The following SEMA3D variants were observed in gnomAD, a reference collection of about 807,000 sequenced individuals.
SEMA3D encodes the protein semaphorin-3D.
Under a neutral mutation model 100.1 loss-of-function variants are expected in SEMA3D, and 84 were observed. The observed-to-expected ratio is 0.84, with a 90% CI of 0.70 to 1.01. The LOEUF (loss-of-function observed/expected upper bound fraction) is 1.01. Ranked by LOEUF, SEMA3D falls within the 50% of genes least tolerant of loss-of-function variation. The pLI is 0.00. For missense variants in SEMA3D, 875 were observed against 934.1 expected (o/e 0.94, Z 0.82); for synonymous variants, 312 against 320.7 (o/e 0.97, Z 0.29).
chr7:85,098,958 C>T (rs565369237), intron 3 of SEMA3D, among the ~76,000 whole-genome samples: 40 of 151,986 alleles, frequency 2.6e-4, no homozygotes, highest in Non-Finnish European at 5.2e-4. Flanking sequence ...GCTTCTTTCA[C>T]TTAGTAATAT....
At chr7:85,037,069 T>C (rs752595013) in intron 11 of SEMA3D, 36 bp from the exon 12 acceptor site, 148 of 1,596,356 alleles carry the variant, frequency 9.3e-5, no homozygotes, top group Non-Finnish European at 1.2e-4. Context: ...AATCATTCAC[T>C]GATGAATTCA....
the SEMA3D span, among the ~76,000 whole-genome samples, chr7:85,192,427 T>G: frequency 6.6e-6 from 1 of 152,002 alleles, no homozygotes; most frequent in Non-Finnish European, 1.5e-5. Flanking sequence ...AAATAAAATA[T>G]TTACCATCTG....
At chr7:85,189,767 A>G (rs1290241138), upstream of SEMA3D, among the ~76,000 whole-genome samples, 2 of 152,230 alleles carry the variant, frequency 1.3e-5, no homozygotes, top group Non-Finnish European at 2.9e-5. Flanking sequence ...TCTGAGACAT[A>G]CTACTCCTCA....
At chr7:85,140,665 CATT>C in intron 2 of SEMA3D, 2 of 977,640 alleles carry the variant, frequency 2.0e-6, no homozygotes, top group Non-Finnish European at 2.4e-6. Flanking sequence ...GACACGAACA[CATT>C]ATTAAGTGCT....
chr7:85,088,496 A>C (rs78349472), intron 4 of SEMA3D, among the ~76,000 whole-genome samples: 3,940 of 152,278 alleles, frequency 0.026, 167 homozygotes, highest in East Asian at 0.16. Context: ...TCTTTCAAAA[A>C]ACAGGATACA....
intron 13 of SEMA3D, among the ~76,000 whole-genome samples, chr7:85,020,973 T>C (rs1398012860): frequency 6.6e-6 from 1 of 151,534 alleles, no homozygotes; most frequent in Non-Finnish European, 1.5e-5. Flanking sequence ...AAATACATCA[T>C]CTTACATTGA....
chr7:85,006,710 G>C (rs1789805423), intron 18 of SEMA3D, 92 bp downstream of exon 18: 4 of 970,756 alleles, frequency 4.1e-6, no homozygotes, highest in African/African-American at 1.7e-5. Flanking sequence ...ATCAAATAAT[G>C]ATGAGAGTAG....
intron 2 of SEMA3D, among the ~76,000 whole-genome samples, chr7:85,130,599 C>T (rs770014192): frequency 6.6e-6 from 1 of 152,114 alleles, no homozygotes; most frequent in Non-Finnish European, 1.5e-5. Context: ...CCAGCTTCTA[C>T]CAGAAATTCA....
the SEMA3D span, among the ~76,000 whole-genome samples, chr7:85,228,146 T>C: frequency 4.6e-5 from 7 of 152,162 alleles, no homozygotes; most frequent in African/African-American, 1.7e-4. Flanking sequence ...GTGACTTGTG[T>C]ATCTTTTACT....
In SEMA3D at chr7:85,116,786, G is replaced by C. The variant is rs368841650; in HGVS notation, c.151+4955C>G. On this transcript the variant is annotated intron_variant, in intron 3 of 18. Transcript: ENST00000284136. Reference sequence around the variant, plus strand: ...TGATCCATCTTGAATCATTTTCTGTGTATGGTATAGAGTGAAGATTGAGGT... The same window carrying C: ...TGATCCATCTTGAATCATTTTCTGTCTATGGTATAGAGTGAAGATTGAGGT... Among the ~76,000 whole-genome samples the C allele has an allele frequency of 3.9e-5, 6 of 152,164 alleles. 1 individual carries two copies. The South Asian group carries it at 1.2e-3, about 32-fold the overall frequency.
chr7:85,031,059 T>G (rs1790534147), intron 12 of SEMA3D, among the ~76,000 whole-genome samples: 1 of 152,020 alleles, frequency 6.6e-6, no homozygotes, highest in African/African-American at 2.4e-5. Flanking sequence ...TTTGCATTCT[T>G]GCTTTTCTAG....
At chr7:85,133,150 G>A (rs765707213) in intron 2 of SEMA3D, among the ~76,000 whole-genome samples, 2 of 151,884 alleles carry the variant, frequency 1.3e-5, no homozygotes, top group Non-Finnish European at 2.9e-5. Context: ...TTGCATGACT[G>A]TTCTGTTGAA....
chr7:85,175,450 C>T lies in SEMA3D; in HGVS notation c.-173+11228G>A, dbSNP rs75278283. ...CCAAAAACTTGCCCTTTTGAAAACC[C>T]GAACAATGAATGCTCTCTGCCAAAC... is the stretch of plus-strand genomic sequence containing the variant. On this transcript the variant is annotated intron_variant, in intron 1 of 18. Transcript: ENST00000284136. 9.4e-3 allele frequency among the ~76,000 whole-genome samples: 1,437 copies of T among 152,174 alleles called. 12 individuals are homozygous for T. Among genetic ancestry groups the T allele is most frequent in the Non-Finnish European group, 0.016 (1,113 of 67,990 alleles).
At chr7:85,095,102 TC>T (rs1236635674) in intron 4 of SEMA3D, among the ~76,000 whole-genome samples, 1 of 152,036 alleles carries the variant, frequency 6.6e-6, no homozygotes, top group Non-Finnish European at 1.5e-5. Context: ...TCCTCTGCAA[TC>T]ATTTATTTGT....
rs188736693 is a variant in SEMA3D at position 85,152,101 on chromosome 7, A to G, written c.-41+1507T>C. On this transcript the variant is annotated intron_variant, in intron 2 of 18. Coordinates refer to ENST00000284136, the MANE Select transcript of SEMA3D (RefSeq NM_001384900.1). ...TTTATCTCTTCCTTGTCTTGTTTTT[A>G]TGTTTTATTTTATACCTATCTTTAC... is the stretch of plus-strand genomic sequence containing the variant. Among the ~76,000 whole-genome samples the G allele has an allele frequency of 1.3e-4, 19 of 151,728 alleles. No homozygotes were observed. The East Asian group carries it at 3.3e-3, about 26-fold the overall frequency.
At chr7:85,007,670 T>A (rs1789837164) in intron 17 of SEMA3D, among the ~76,000 whole-genome samples, 1 of 151,800 alleles carries the variant, frequency 6.6e-6, no homozygotes, top group Non-Finnish European at 1.5e-5. Context: ...AGCCAAAGGC[T>A]GTGTCCCTTG....
the SEMA3D span, among the ~76,000 whole-genome samples, chr7:85,243,619 G>A: frequency 6.6e-6 from 1 of 152,106 alleles, no homozygotes; most frequent in Non-Finnish European, 1.5e-5. Flanking sequence ...TGTTAAGATG[G>A]AATAGCAAAT....
intron 2 of SEMA3D, chr7:85,140,540 A>G: frequency 1.0e-6 from 1 of 983,644 alleles, no homozygotes; most frequent in Non-Finnish European, 1.2e-6. Context: ...AAACATCAGC[A>G]CAAATTTCTG....
chr7:85,012,940 G>A (rs1789998246), intron 16 of SEMA3D, 94 bp from the exon 17 acceptor site: 5 of 903,800 alleles, frequency 5.5e-6, no homozygotes, highest in Admixed American at 1.8e-5. Context: ...GGCAGATGCA[G>A]TACTATGCTT....
Sources: gnomAD v4.1 joint callset for allele counts (sites outside exome capture counted in the v4.1 genomes callset) on GRCh38, gnomAD v4.1.1 for gene constraint, MANE v1.5 for transcripts, NCBI Gene and HGNC (gene_info 2026-07-23, HGNC 2026-07-21) for gene names.